The following RIMS1 variants were observed in gnomAD, a reference collection of about 807,000 sequenced individuals.
The protein encoded by RIMS1 is regulating synaptic membrane exocytosis protein 1.
In RIMS1, 83 loss-of-function variants were observed where a neutral mutation model predicts 214.1. The observed-to-expected ratio is 0.39, with a 90% CI of 0.32 to 0.47. The LOEUF is 0.47. Among genes scored for constraint, RIMS1 ranks in the 20% least tolerant of loss-of-function variants. The pLI, the probability that RIMS1 is intolerant of heterozygous loss-of-function variation, is 0.99. For missense variants in RIMS1, 2,050 were observed against 2,161.8 expected, an observed-to-expected ratio of 0.95 and a Z score of 1.03; for synonymous variants, 793 against 786.8, an observed-to-expected ratio of 1.01 and a Z score of -0.13.
intron 1 of RIMS1, among the ~76,000 whole-genome samples, chr6:71,961,532 G>A (rs1326585650): frequency 6.6e-6 from 1 of 151,910 alleles, no homozygotes; most frequent in Non-Finnish European, 1.5e-5. Flanking sequence ...TATGTTTGTA[G>A]CAATTATCTT....
At chr6:72,387,594 G>A (rs758692734) in intron 29 of RIMS1, among the ~76,000 whole-genome samples, 14 of 152,198 alleles carry the variant, frequency 9.2e-5, no homozygotes, top group Non-Finnish European at 1.8e-4. Context: ...CATAGATGAA[G>A]TCCCTGCCTT....
In RIMS1 at chr6:72,291,949, A is replaced by G. The variant is rs779018207; in HGVS notation, c.3753A>G (p.Arg1251=). 4 of 1,559,946 alleles carry G rather than the reference A, an allele frequency of 2.6e-6. No individual in the cohort carries two copies. The highest frequency in any genetic ancestry group is 3.5e-6 in the Non-Finnish European group (4 of 1,152,024). The change falls in exon 26 of 34, where the codon AGA becomes AGG. Residue 1251 remains arginine, a synonymous_variant. Transcript: ENST00000521978. ...TTGCCTGCAGAATGCACCGACAGAGAAGTCCAACACAATCTCCTCCAGCAG... is the reference window on the plus strand; with the variant it reads ...TTGCCTGCAGAATGCACCGACAGAGGAGTCCAACACAATCTCCTCCAGCAG... ...SPLLTRMHRQ[R]SPTQSPPADT...
At chr6:71,933,393 C>T (rs942352754) in intron 1 of RIMS1, among the ~76,000 whole-genome samples, 4 of 152,056 alleles carry the variant, frequency 2.6e-5, no homozygotes, top group Non-Finnish European at 5.9e-5. Context: ...ATCACAGAGT[C>T]AATCATGGTG....
At chr6:72,194,243 A>G (rs2050514065) in intron 6 of RIMS1, among the ~76,000 whole-genome samples, 4 of 152,250 alleles carry the variant, frequency 2.6e-5, no homozygotes. Context: ...ATTTGTTAAA[A>G]AGAATAGTAT....
At chr6:72,110,421 C>G (rs1401755143) in intron 4 of RIMS1, among the ~76,000 whole-genome samples, 1 of 150,948 alleles carries the variant, frequency 6.6e-6, no homozygotes, top group African/African-American at 2.4e-5. Context: ...CCTTCACATC[C>G]CTTGTAAGTT....
In RIMS1 at chr6:72,119,615, C is replaced by T. The variant is rs530677254; in HGVS notation, c.471+19629C>T. 5.2e-4 allele frequency among the ~76,000 whole-genome samples: 79 copies of T among 151,608 alleles called. 4 individuals are homozygous for T. The highest frequency in any genetic ancestry group is 8.4e-4 in the Non-Finnish European group (57 of 67,728). ...GGTATAAAAATAGACCAGTGGAACA[C>T]AATAGAGAATCAAGACATAAAGCCA... On this transcript the variant is annotated intron_variant, in intron 4 of 33. Coordinates refer to ENST00000521978, the MANE Select transcript of RIMS1 (RefSeq NM_014989.7).
chr6:72,259,146 T>C, intron 18 of RIMS1, 35 bp downstream of exon 18: 1 of 1,589,810 alleles, frequency 6.3e-7, no homozygotes, highest in Non-Finnish European at 8.6e-7. Flanking sequence ...ACGTTATGAA[T>C]TTTTTGTTCT....
intron 16 of RIMS1, among the ~76,000 whole-genome samples, chr6:72,254,459 A>G (rs1018383721): frequency 2.6e-5 from 4 of 152,176 alleles, no homozygotes; most frequent in African/African-American, 9.6e-5. Flanking sequence ...TTCATTTGGG[A>G]TATTCAAATA....
intron 2 of RIMS1, among the ~76,000 whole-genome samples, chr6:72,051,220 C>T (rs1824560765): frequency 2.0e-5 from 3 of 152,172 alleles, no homozygotes; most frequent in African/African-American, 7.2e-5. Flanking sequence ...ATAGGACCCA[C>T]TTTGAACTTG....
chr6:72,112,258 A>G (rs1359392126), intron 4 of RIMS1, among the ~76,000 whole-genome samples: 4 of 152,058 alleles, frequency 2.6e-5, no homozygotes, highest in Non-Finnish European at 4.4e-5. Context: ...CTGGTCCAAG[A>G]CACCATCTAG....
chr6:71,962,151 T>G (rs1793139504), intron 1 of RIMS1, among the ~76,000 whole-genome samples: 1 of 152,262 alleles, frequency 6.6e-6, no homozygotes, highest in African/African-American at 2.4e-5. Flanking sequence ...TGGGGTAGAC[T>G]TCAATGATTA....
At chr6:72,285,940 G>C (rs1258501326) in intron 24 of RIMS1, among the ~76,000 whole-genome samples, 1 of 152,044 alleles carries the variant, frequency 6.6e-6, no homozygotes, top group African/African-American at 2.4e-5. Context: ...GCTCACACCT[G>C]TAATACCAGC....
intron 2 of RIMS1, among the ~76,000 whole-genome samples, chr6:72,000,261 T>G (rs1005718154): frequency 6.6e-5 from 10 of 152,154 alleles, no homozygotes; most frequent in Non-Finnish European, 1.3e-4. Flanking sequence ...TCTTGGGATA[T>G]AGTATAAAAT....
At chr6:71,907,162 A>G (rs780845096) in intron 1 of RIMS1, among the ~76,000 whole-genome samples, 11 of 152,154 alleles carry the variant, frequency 7.2e-5, no homozygotes, top group Non-Finnish European at 1.5e-4. Flanking sequence ...GAATAGATTT[A>G]CCCTGCATTA....
chr6:72,068,622 A>G (rs778773446), intron 2 of RIMS1, among the ~76,000 whole-genome samples: 6 of 152,182 alleles, frequency 3.9e-5, no homozygotes, highest in East Asian at 1.9e-4. Flanking sequence ...GCAATGCCCA[A>G]TAGGAATTTA....
At chr6:72,279,680 A>G (rs1463081367) in intron 23 of RIMS1, among the ~76,000 whole-genome samples, 1 of 152,066 alleles carries the variant, frequency 6.6e-6, no homozygotes, top group Non-Finnish European at 1.5e-5. Context: ...GATCTCTCAA[A>G]TAAACATCTA....
At chr6:72,336,726 A>C (rs952281410) in intron 29 of RIMS1, among the ~76,000 whole-genome samples, 1 of 151,720 alleles carries the variant, frequency 6.6e-6, no homozygotes, top group African/African-American at 2.4e-5. Context: ...CTTAGATTTC[A>C]ATCTTCTTGA....
intron 2 of RIMS1, among the ~76,000 whole-genome samples, chr6:72,023,651 C>T (rs1387379546): frequency 6.6e-6 from 1 of 151,866 alleles, no homozygotes; most frequent in African/African-American, 2.4e-5. Flanking sequence ...CATTCCCATG[C>T]TATTTGTAGC....
At chr6:72,293,568 G>A (rs1263057193) in intron 26 of RIMS1, among the ~76,000 whole-genome samples, 2 of 151,876 alleles carry the variant, frequency 1.3e-5, no homozygotes, top group African/African-American at 4.8e-5. Context: ...GCTAAAGATT[G>A]ATATTCTAAA....
Sources: gnomAD v4.1 joint callset for allele counts (sites outside exome capture counted in the v4.1 genomes callset) on GRCh38, gnomAD v4.1.1 for gene constraint, MANE v1.5 for transcripts, NCBI Gene and HGNC (gene_info 2026-07-23, HGNC 2026-07-21) for gene names.